ELMO1: variants seen among roughly 807,000 people sequenced by gnomAD.
The protein encoded by ELMO1 is engulfment and cell motility 1.
ELMO1 carries 26 observed loss-of-function variants against 98.9 expected under a neutral mutation model. The observed-to-expected ratio is 0.26, with a 90% CI of 0.19 to 0.36. The LOEUF is 0.36. ELMO1 is among the 10% of genes least tolerant of loss of function. The pLI is 1.00. For synonymous variants in ELMO1, 346 were observed against 346.0 expected (o/e 1.00, Z 0.00); for missense variants, 627 against 935.2 (o/e 0.67, Z 4.30).
chr7:37,375,665 C>T (rs1802308755), intron 1 of ELMO1: 10 of 1,237,170 alleles, frequency 8.1e-6, no homozygotes, highest in Non-Finnish European at 8.3e-6. Flanking sequence ...GTCATGAAGG[C>T]CATGCAGTCT....
chr7:37,142,050 T>C (rs1055819774), intron 13 of ELMO1, among the ~76,000 whole-genome samples: 6 of 152,214 alleles, frequency 3.9e-5, no homozygotes, highest in African/African-American at 1.4e-4. Context: ...TATTCCAATG[T>C]TGGAAAGTTT....
chr7:37,094,250 ATGT>A (rs1784262552), intron 15 of ELMO1, among the ~76,000 whole-genome samples: 1 of 152,208 alleles, frequency 6.6e-6, no homozygotes, highest in South Asian at 2.1e-4. Flanking sequence ...TTGTGGCAGA[ATGT>A]TGGGAGTCTT....
At chr7:37,152,582 C>T (rs531274353) in intron 13 of ELMO1, among the ~76,000 whole-genome samples, 8 of 152,006 alleles carry the variant, frequency 5.3e-5, no homozygotes, top group South Asian at 2.1e-4. Context: ...TGAGTGTGTA[C>T]GTGCATGTGC....
intron 2 of ELMO1, among the ~76,000 whole-genome samples, chr7:37,326,230 T>C (rs1297736482): frequency 1.3e-5 from 2 of 152,108 alleles, no homozygotes; most frequent in Non-Finnish European, 2.9e-5. Context: ...CTCTCCACAG[T>C]AGTAAAACCA....
At position 37,008,651 on chromosome 7, in the gene ELMO1, C is replaced by A. The variant is rs934489496; in HGVS notation, c.1437+4648G>T. Among the ~76,000 whole-genome samples the A allele has an allele frequency of 2.6e-5, 4 of 152,220 alleles. No homozygotes were observed. In the South Asian group the frequency reaches 8.3e-4, roughly 32 times the overall value. ...CAGTAATTACTTCAATTTATTATCA[C>A]CCCACCAAAAGACAGGGTGATGTAT... is the stretch of plus-strand genomic sequence containing the variant. On this transcript the variant is annotated intron_variant, in intron 16 of 21. Transcript: ENST00000310758.
At chr7:36,990,901 A>G (rs1187878091) in intron 16 of ELMO1, among the ~76,000 whole-genome samples, 1 of 152,128 alleles carries the variant, frequency 6.6e-6, no homozygotes, top group African/African-American at 2.4e-5. Context: ...AATGAGCACC[A>G]TTTATATTGA....
At chr7:37,421,556 A>G (rs1157244793) in intron 1 of ELMO1, among the ~76,000 whole-genome samples, 1 of 152,236 alleles carries the variant, frequency 6.6e-6, no homozygotes, top group Non-Finnish European at 1.5e-5. Context: ...TCATGATATC[A>G]AAGCTAAGAA....
intron 13 of ELMO1, among the ~76,000 whole-genome samples, chr7:37,176,548 A>C (rs1292956175): frequency 2.0e-5 from 3 of 152,250 alleles, no homozygotes; most frequent in Non-Finnish European, 4.4e-5. Flanking sequence ...ATATCAAAAT[A>C]TATACAATGC....
In ELMO1 at chr7:36,886,440, C is replaced by T. The variant is rs114174900; in HGVS notation, c.1714+1120G>A. Reference sequence around the variant, plus strand: ...ATGGCCGGGGGATGAGTTCAGCTGACAAACACAAAATGATTTTTGTCATTA... The same window carrying T: ...ATGGCCGGGGGATGAGTTCAGCTGATAAACACAAAATGATTTTTGTCATTA... On this transcript the variant is annotated intron_variant, in intron 18 of 21. Coordinates refer to ENST00000310758, the MANE Select transcript of ELMO1 (RefSeq NM_014800.11). Among the ~76,000 whole-genome samples, 1,387 of 152,286 alleles carry T rather than the reference C, an allele frequency of 9.1e-3. 19 individuals carry two copies. The highest frequency in any genetic ancestry group is 0.031 in the African/African-American group (1,300 of 41,542).
At chr7:37,358,320 A>C (rs922730620) in intron 1 of ELMO1, among the ~76,000 whole-genome samples, 7 of 152,202 alleles carry the variant, frequency 4.6e-5, no homozygotes, top group African/African-American at 1.7e-4. Context: ...CTTGAAACTC[A>C]ACCTGCTAAT....
intron 16 of ELMO1, among the ~76,000 whole-genome samples, chr7:36,926,800 C>G (rs538210970): frequency 5.9e-4 from 90 of 152,334 alleles, no homozygotes; most frequent in African/African-American, 2.0e-3. Flanking sequence ...TATATTGATA[C>G]TCATGATTTA....
chr7:36,909,056 T>C (rs916232792), intron 16 of ELMO1, among the ~76,000 whole-genome samples: 5 of 152,238 alleles, frequency 3.3e-5, no homozygotes, highest in Non-Finnish European at 7.3e-5. Context: ...AGTTCTGTAA[T>C]TAGAAAGCAT....
chr7:37,063,006 C>G (rs1195109026), intron 15 of ELMO1, among the ~76,000 whole-genome samples: 1 of 152,192 alleles, frequency 6.6e-6, no homozygotes, highest in Non-Finnish European at 1.5e-5. Flanking sequence ...AGACACAGCT[C>G]CCCTACACAT....
intron 16 of ELMO1, among the ~76,000 whole-genome samples, chr7:36,937,073 G>A (rs949897813): frequency 3.3e-5 from 5 of 152,106 alleles, no homozygotes; most frequent in African/African-American, 1.2e-4. Flanking sequence ...CTAGGGGCAG[G>A]GGAAAGAACT....
rs67076734 is a variant in ELMO1 at position 37,179,279 on chromosome 7, CT to C, written c.1086+32106del. Among the ~76,000 whole-genome samples, 146 of 135,340 alleles carry C rather than the reference CT, an allele frequency of 1.1e-3. 1 individual carries two copies. The highest frequency in any genetic ancestry group is 5.4e-3 in the East Asian group (25 of 4,620). The allele number at this position is 135,340 out of a possible 152,430, so 88.8% of individuals were successfully genotyped here. ...TTAATCTGAATGTTTGCATATAGCT[CT>C]TTTTTTTTTTTTTTTGAGACGGAGT... is the stretch of plus-strand genomic sequence containing the variant. On this transcript the variant is annotated intron_variant, in intron 13 of 21. Coordinates refer to ENST00000310758, the MANE Select transcript of ELMO1 (RefSeq NM_014800.11).
At chr7:37,014,895 G>A (rs1483816305) in intron 15 of ELMO1, among the ~76,000 whole-genome samples, 2 of 152,038 alleles carry the variant, frequency 1.3e-5, no homozygotes, top group African/African-American at 4.8e-5. Flanking sequence ...ATGTGGATGA[G>A]CAGCGAATCT....
At chr7:36,965,823 A>G (rs1481835511) in intron 16 of ELMO1, among the ~76,000 whole-genome samples, 2 of 152,152 alleles carry the variant, frequency 1.3e-5, no homozygotes, top group African/African-American at 4.8e-5. Flanking sequence ...TGGAAGCATC[A>G]CATCCGCCTG....
intron 15 of ELMO1, among the ~76,000 whole-genome samples, chr7:37,074,310 T>C (rs1451705171): frequency 1.3e-5 from 2 of 151,914 alleles, no homozygotes; most frequent in Non-Finnish European, 2.9e-5. Flanking sequence ...ATCAAAGGAT[T>C]ACTGTGGGTA....
rs1012740841 is a variant in ELMO1 at position 37,314,739 on chromosome 7, A to C, written c.192+111T>G. On this transcript the variant is annotated intron_variant, in intron 4 of 21. Coordinates refer to ENST00000310758, the MANE Select transcript of ELMO1 (RefSeq NM_014800.11). ...CTTTACAGACTCTATTTTCGTGGATAGTAGAGACCTAAAATTTAGACCTGC... is the reference window on the plus strand; with the variant it reads ...CTTTACAGACTCTATTTTCGTGGATCGTAGAGACCTAAAATTTAGACCTGC... 4.5e-6 allele frequency: 4 copies of C among 887,730 alleles called. No individual in the cohort carries two copies. The African/African-American group carries it at 6.8e-5, about 15-fold the overall frequency. 55.0% of individuals were successfully genotyped at this position (887,730 alleles called of 1,614,324 possible). A position where few individuals can be genotyped will look rare whatever the true frequency, so the allele number is the denominator to read the frequency against.
Sources: allele counts gnomAD v4.1 joint callset (sites outside exome capture counted in the v4.1 genomes callset), GRCh38; gene constraint gnomAD v4.1.1; transcripts MANE v1.5; gene names NCBI Gene and HGNC (gene_info 2026-07-23, HGNC 2026-07-21).